The following CYP46A1 variants were observed in gnomAD, a reference collection of about 807,000 sequenced individuals.
CYP46A1 encodes the protein cholesterol 24-hydroxylase.
CYP46A1 carries 20 observed loss-of-function variants against 63.3 expected under a neutral mutation model. The observed-to-expected ratio is 0.32, with a 90% CI of 0.22 to 0.46. CYP46A1 has a LOEUF of 0.46. Among genes scored for constraint, CYP46A1 ranks in the 20% least tolerant of loss-of-function variants. The pLI is 1.00. For synonymous variants in CYP46A1, 268 were observed against 273.6 expected, an observed-to-expected ratio of 0.98 and a Z score of 0.20; for missense variants, 445 against 670.8, an observed-to-expected ratio of 0.66 and a Z score of 3.72.
In CYP46A1 at chr14:99,691,160, T is replaced by C; in HGVS notation, c.199T>C (p.Trp67Arg). ...GRVLQDVFLDWAKKYGPVVRV... is the reference protein window; with the variant it reads ...GRVLQDVFLDRAKKYGPVVRV... ...TGTGCTCCAAGATGTGTTTTTGGAT[T>C]GGTGGGTTCTCATTTGTCACTTGTT... Residue 67 changes from tryptophan (W) to arginine (R), a missense_variant and splice_region_variant, in exon 2 of 15, where the codon TGG (tryptophan) becomes CGG (arginine). By Grantham distance (101) the Trp-to-Arg change is moderately radical. Coordinates refer to ENST00000261835, the MANE Select transcript of CYP46A1 (RefSeq NM_006668.2). 6.2e-7 allele frequency: 1 copy of C among 1,614,114 alleles called. No homozygotes were observed. The highest frequency in any genetic ancestry group is 8.5e-7 in the Non-Finnish European group (1 of 1,180,002).
Position 99,725,091 on chromosome 14 carries a change from T to C in CYP46A1, c.1177-300T>C, listed in dbSNP as rs2056883388. On this transcript the variant is annotated intron_variant, in intron 12 of 14. Coordinates refer to ENST00000261835, the MANE Select transcript of CYP46A1 (RefSeq NM_006668.2). This position sits in a 1 kb window ranked among gnomAD's most constrained non-coding sequence, Gnocchi z 4.2. ...TCAGGTGAGTCACTGAGCCTCTCTC[T>C]GGGTCTCAGTTTCCTCATCTGTAAA... Among the ~76,000 whole-genome samples, 1 of 152,214 alleles carries C rather than the reference T, an allele frequency of 6.6e-6. No homozygotes were observed. The highest frequency in any genetic ancestry group is 2.4e-5 in the African/African-American group (1 of 41,450).
chr14:99,704,754 G>A (rs963386932), intron 5 of CYP46A1, among the ~76,000 whole-genome samples: 12 of 152,198 alleles, frequency 7.9e-5, no homozygotes, highest in African/African-American at 2.7e-4. Flanking sequence ...TAAGCATTAT[G>A]AGAAAAAGTC....
chr14:99,699,590 G>C, intron 4 of CYP46A1, 51 bp downstream of exon 4: 1 of 1,583,158 alleles, frequency 6.3e-7, no homozygotes, highest in Non-Finnish European at 8.7e-7. Flanking sequence ...GAGCCCTGCT[G>C]TGAGTGAGGG....
chr14:99,688,291 C>T lies in CYP46A1; in HGVS notation c.120-2790C>T, dbSNP rs892025594. Reference sequence around the variant, plus strand: ...ACTCACCTGGCGTGGGCCTCCACTGCGGGCAGGCGGCCACCCCGTACTTCC... The same window carrying T: ...ACTCACCTGGCGTGGGCCTCCACTGTGGGCAGGCGGCCACCCCGTACTTCC... On this transcript the variant is annotated intron_variant, in intron 1 of 14. Coordinates refer to ENST00000261835, the MANE Select transcript of CYP46A1 (RefSeq NM_006668.2). Among the ~76,000 whole-genome samples the T allele has an allele frequency of 5.3e-5, 8 of 152,178 alleles. No individual in the cohort carries two copies. The East Asian group carries it at 5.8e-4, about 11-fold the overall frequency.
chr14:99,720,946 G>A (rs746983613), intron 10 of CYP46A1, among the ~76,000 whole-genome samples: 3 of 151,520 alleles, frequency 2.0e-5, no homozygotes, highest in South Asian at 2.1e-4. Context: ...TTAGCTGAGC[G>A]TGCTGGTGGG....
intron 11 of CYP46A1, among the ~76,000 whole-genome samples, chr14:99,721,534 A>G (rs565674514): frequency 1.3e-5 from 2 of 152,280 alleles, no homozygotes; most frequent in South Asian, 4.1e-4. Flanking sequence ...TATTCAACTT[A>G]GGTTGGAAAC....
intron 9 of CYP46A1, 198 bp from the exon 10 acceptor site, chr14:99,717,856 C>T: frequency 1.9e-6 from 1 of 518,406 alleles, no homozygotes; most frequent in Non-Finnish European, 3.4e-6. Flanking sequence ...TCCACTTTCT[C>T]TTCTCCAAAA....
intron 7 of CYP46A1, among the ~76,000 whole-genome samples, chr14:99,714,425 T>C (rs1481835504): frequency 1.3e-5 from 2 of 152,066 alleles, no homozygotes; most frequent in African/African-American, 2.4e-5. Flanking sequence ...AGCCAAAATA[T>C]AGAATCAACC....
chr14:99,688,695 C>G (rs1777128931), intron 1 of CYP46A1, among the ~76,000 whole-genome samples: 1 of 152,232 alleles, frequency 6.6e-6, no homozygotes, highest in African/African-American at 2.4e-5. Flanking sequence ...CCTGTAGCTG[C>G]CGCCCCCTAT....
intron 3 of CYP46A1, among the ~76,000 whole-genome samples, chr14:99,697,431 T>A (rs1433520153): frequency 6.6e-6 from 1 of 152,196 alleles, no homozygotes; most frequent in African/African-American, 2.4e-5. Flanking sequence ...CTCTGTCTAT[T>A]CAACTTGGCA....
chr14:99,720,356 A>G (rs2056834531), intron 10 of CYP46A1, among the ~76,000 whole-genome samples: 1 of 152,120 alleles, frequency 6.6e-6, no homozygotes, highest in African/African-American at 2.4e-5. Flanking sequence ...TCCCACCAGC[A>G]GTGCGCAAGG....
chr14:99,706,820 G>A (rs1351009245), intron 6 of CYP46A1, 35 bp downstream of exon 6: 2 of 1,606,396 alleles, frequency 1.2e-6, no homozygotes, highest in Non-Finnish European at 1.7e-6. Context: ...GGGCCAGGAG[G>A]GCCACATGGG....
intron 5 of CYP46A1, 29 bp from the exon 6 acceptor site, chr14:99,706,618 G>A: frequency 6.2e-7 from 1 of 1,612,190 alleles, no homozygotes; most frequent in African/African-American, 1.3e-5. Context: ...GCTGGCCAGT[G>A]GCCGTTGATG....
chr14:99,704,588 C>G (rs1241488308), intron 5 of CYP46A1, among the ~76,000 whole-genome samples: 1 of 152,214 alleles, frequency 6.6e-6, no homozygotes, highest in Non-Finnish European at 1.5e-5. Flanking sequence ...GTTCACCTAA[C>G]GCTGTAGCCC....
chr14:99,708,417 A>G (rs1304595022), intron 7 of CYP46A1: 3 of 159,620 alleles, frequency 1.9e-5, no homozygotes, highest in Admixed American at 1.3e-4. Flanking sequence ...GGAATGGTCT[A>G]CCATGAGTGC....
At chr14:99,714,718 C>T (rs1339123972) in intron 7 of CYP46A1, among the ~76,000 whole-genome samples, 1 of 150,784 alleles carries the variant, frequency 6.6e-6, no homozygotes, top group Admixed American at 6.6e-5. Flanking sequence ...TGAGATCGTG[C>T]CATTGCACTC....
At chr14:99,703,629 A>G in intron 5 of CYP46A1, 1 of 985,332 alleles carries the variant, frequency 1.0e-6, no homozygotes, top group Non-Finnish European at 1.2e-6. Flanking sequence ...ATACCCAGCT[A>G]AGATGTCACC....
intron 7 of CYP46A1, chr14:99,710,130 C>T (rs2056716376): frequency 6.6e-6 from 1 of 152,092 alleles, no homozygotes; most frequent in African/African-American, 2.4e-5. Context: ...CATGAAAACA[C>T]ATGAAAGTAT....
chr14:99,687,116 C>G (rs2056501134), intron 1 of CYP46A1, among the ~76,000 whole-genome samples: 1 of 152,190 alleles, frequency 6.6e-6, no homozygotes, highest in African/African-American at 2.4e-5. Flanking sequence ...ACAGGAGGCC[C>G]TCCCTCAGTG....
Sources: allele counts gnomAD v4.1 joint callset (sites outside exome capture counted in the v4.1 genomes callset), GRCh38; gene constraint gnomAD v4.1.1; non-coding constraint Gnocchi (gnomAD v3.1); transcripts MANE v1.5; gene names NCBI Gene and HGNC (gene_info 2026-07-23, HGNC 2026-07-21).